PPA2: variants seen among roughly 807,000 people sequenced by gnomAD.
The protein encoded by PPA2 is inorganic pyrophosphatase 2, also known as inorganic pyrophosphatase 2, mitochondrial.
A neutral mutation model predicts 49.5 loss-of-function variants in PPA2; 48 were observed. That is an observed-to-expected ratio of 0.97 (90% CI 0.77 to 1.23). The LOEUF (loss-of-function observed/expected upper bound fraction) is 1.23. PPA2 is among the 50% of genes most tolerant of loss of function. The pLI, the probability that PPA2 is intolerant of heterozygous loss-of-function variation, is 0.00. For missense variants in PPA2, 429 were observed against 410.1 expected, an observed-to-expected ratio of 1.05 and a Z score of -0.40; for synonymous variants, 131 against 139.9, an observed-to-expected ratio of 0.94 and a Z score of 0.45.
At chr4:105,398,682 C>T (rs976030895) in intron 8 of PPA2, 1 of 163,528 alleles carries the variant, frequency 6.1e-6, no homozygotes, top group Non-Finnish European at 1.3e-5. Context: ...GAGGGAGTCC[C>T]CTATGGATTT....
At chr4:105,391,104 A>C (rs1733899226) in intron 9 of PPA2, among the ~76,000 whole-genome samples, 1 of 152,002 alleles carries the variant, frequency 6.6e-6, no homozygotes, top group African/African-American at 2.4e-5. Context: ...TAAACACCAC[A>C]TGTTCTCACT....
At chr4:105,437,897 G>T in intron 6 of PPA2, 53 bp downstream of exon 6, 1 of 1,387,392 alleles carries the variant, frequency 7.2e-7, no homozygotes, top group Non-Finnish European at 9.9e-7. Flanking sequence ...GAAATTTTAT[G>T]GCATGAATAA....
intron 1 of PPA2, among the ~76,000 whole-genome samples, chr4:105,461,670 A>G (rs767010139): frequency 1.3e-5 from 2 of 152,202 alleles, no homozygotes; most frequent in Non-Finnish European, 2.9e-5. Context: ...CAGTCAACTG[A>G]GGGGCTCAGA....
intron 2 of PPA2, among the ~76,000 whole-genome samples, chr4:105,455,119 A>ACTC (rs1256978807): frequency 6.6e-6 from 1 of 152,138 alleles, no homozygotes; most frequent in African/African-American, 2.4e-5. Context: ...TATCTTATTC[A>ACTC]CTACTACACC....
intron 1 of PPA2, among the ~76,000 whole-genome samples, chr4:105,459,914 T>C (rs940015240): frequency 1.1e-4 from 17 of 152,288 alleles, no homozygotes; most frequent in African/African-American, 3.8e-4. Flanking sequence ...GAGAGTAGGG[T>C]TGACCCTAAA....
chr4:105,448,565 C>T (rs201806958), intron 4 of PPA2, among the ~76,000 whole-genome samples: 6 of 147,650 alleles, frequency 4.1e-5, no homozygotes, highest in Admixed American at 6.7e-5. Flanking sequence ...GTTCATTTCC[C>T]GGAAAAATTT....
At chr4:105,429,788 C>A (rs1164513195) in intron 6 of PPA2, among the ~76,000 whole-genome samples, 1 of 152,070 alleles carries the variant, frequency 6.6e-6, no homozygotes, top group Non-Finnish European at 1.5e-5. Flanking sequence ...CTTCATAGTA[C>A]CTTTTTAACA....
chr4:105,384,690 G>A (rs762693261), intron 10 of PPA2, among the ~76,000 whole-genome samples: 9 of 152,162 alleles, frequency 5.9e-5, no homozygotes, highest in Non-Finnish European at 1.3e-4. Flanking sequence ...ATAACTTGGA[G>A]AAAATAATGT....
chr4:105,399,553 T>A (rs967219908), intron 7 of PPA2: 1 of 156,664 alleles, frequency 6.4e-6, no homozygotes, highest in African/African-American at 2.4e-5. Context: ...GCAATGGTAA[T>A]GTCATAGAAG....
intron 6 of PPA2, among the ~76,000 whole-genome samples, chr4:105,435,273 G>A (rs1393234378): frequency 6.6e-6 from 1 of 152,004 alleles, no homozygotes; most frequent in African/African-American, 2.4e-5. Context: ...TTCATATTTA[G>A]TAAGTATTAT....
At chr4:105,446,969 T>C (rs556209791) in intron 4 of PPA2, among the ~76,000 whole-genome samples, 193 of 152,232 alleles carry the variant, frequency 1.3e-3, no homozygotes, top group African/African-American at 4.6e-3. Flanking sequence ...TTATTCAACA[T>C]AGTATTGGAC....
At chr4:105,446,592 C>G in intron 4 of PPA2, 90 bp from the exon 5 acceptor site, 1 of 1,368,540 alleles carries the variant, frequency 7.3e-7, no homozygotes, top group Non-Finnish European at 9.9e-7. Flanking sequence ...CTGCTATTTT[C>G]AGACTAAACA....
rs199586117 is a variant in PPA2, at chr4:105,396,384, T to C, written c.784-50A>G. 37 of 1,264,832 alleles carry C rather than the reference T, an allele frequency of 2.9e-5. 1 individual carries two copies. In the East Asian group the frequency reaches 7.9e-4, roughly 27 times the overall value. The allele number at this position is 1,264,832 out of a possible 1,614,324, so 78.4% of individuals were successfully genotyped here. On this transcript the variant is annotated intron_variant, in intron 8 of 11. Coordinates refer to ENST00000341695, the MANE Select transcript of PPA2 (RefSeq NM_176869.3). ...AAAGACGTATTTAATATCAGTCACA[T>C]TGTTACACTAACACAAAACTAATCT...
intron 6 of PPA2, among the ~76,000 whole-genome samples, chr4:105,429,286 A>G (rs558193954): frequency 6.6e-6 from 1 of 152,346 alleles, no homozygotes; most frequent in South Asian, 2.1e-4. Flanking sequence ...AAGAGGCAGA[A>G]TACAAGAAAC....
intron 9 of PPA2, among the ~76,000 whole-genome samples, chr4:105,387,832 T>G (rs1362213581): frequency 6.6e-6 from 1 of 151,316 alleles, no homozygotes; most frequent in Non-Finnish European, 1.5e-5. Flanking sequence ...AAGCTGACAA[T>G]TGAAAAAGGC....
At chr4:105,384,176 A>G (rs553038449) in intron 10 of PPA2, among the ~76,000 whole-genome samples, 2 of 152,310 alleles carry the variant, frequency 1.3e-5, no homozygotes, top group South Asian at 2.1e-4. Flanking sequence ...CAAATATTGA[A>G]TGATGAAAAC....
chr4:105,430,738 G>A (rs551301204), intron 6 of PPA2, among the ~76,000 whole-genome samples: 28 of 152,310 alleles, frequency 1.8e-4, no homozygotes, highest in African/African-American at 6.7e-4. Context: ...GGACATGACA[G>A]TGGATAGTCT....
chr4:105,453,337 C>A (rs920905072), intron 3 of PPA2, among the ~76,000 whole-genome samples: 1 of 152,084 alleles, frequency 6.6e-6, no homozygotes, highest in Non-Finnish European at 1.5e-5. Context: ...GATTCCACAA[C>A]AATGTGAAAG....
intron 2 of PPA2, 75 bp from the exon 3 acceptor site, chr4:105,453,717 A>G: frequency 8.6e-7 from 1 of 1,167,206 alleles, no homozygotes; most frequent in Non-Finnish European, 1.2e-6. Flanking sequence ...CAATAAAAAT[A>G]TGACTATTGT....
Sources: allele counts gnomAD v4.1 joint callset (sites outside exome capture counted in the v4.1 genomes callset), GRCh38; gene constraint gnomAD v4.1.1; transcripts MANE v1.5; gene names NCBI Gene and HGNC (gene_info 2026-07-23, HGNC 2026-07-21).